ATRNL1: variants seen among roughly 807,000 people sequenced by gnomAD.
ATRNL1 encodes the protein attractin-like protein 1.
Under a neutral mutation model 182.7 loss-of-function variants are expected in ATRNL1, and 95 were observed. The ratio of observed to expected loss-of-function variants is 0.52; its 90% CI spans 0.44 to 0.62. The LOEUF (loss-of-function observed/expected upper bound fraction) is 0.62, where lower values mean the gene tolerates loss of function less well. Ranked by LOEUF, ATRNL1 falls within the 20% of genes least tolerant of loss-of-function variation. ATRNL1 has a pLI of 0.00. For synonymous variants in ATRNL1, 576 were observed against 568.3 expected (o/e 1.01, Z -0.19); for missense variants, 1,471 against 1,679.5 (o/e 0.88, Z 2.17).
chr10:115,867,733 T>TA (rs1951471428), intron 28 of ATRNL1, among the ~76,000 whole-genome samples: 1 of 144,082 alleles, frequency 6.9e-6, no homozygotes, highest in Admixed American at 6.9e-5. Flanking sequence ...CCTGTGAATT[T>TA]TTTTTTTTTT....
intron 19 of ATRNL1, among the ~76,000 whole-genome samples, chr10:115,383,930 G>T (rs1400347771): frequency 6.6e-6 from 1 of 151,818 alleles, no homozygotes; most frequent in Non-Finnish European, 1.5e-5. Flanking sequence ...TTAAGTAATT[G>T]CACTTGAGCT....
At chr10:115,327,409 T>G (rs1554933701) in intron 18 of ATRNL1, among the ~76,000 whole-genome samples, 1 of 152,204 alleles carries the variant, frequency 6.6e-6, no homozygotes, top group African/African-American at 2.4e-5. Context: ...CCAGTGAGAA[T>G]AGCAGTCATT....
chr10:115,226,914 T>C (rs1471112095), intron 9 of ATRNL1, among the ~76,000 whole-genome samples: 1 of 152,112 alleles, frequency 6.6e-6, no homozygotes, highest in African/African-American at 2.4e-5. Context: ...TTTCAACATA[T>C]ACAAAATCAA....
intron 27 of ATRNL1, among the ~76,000 whole-genome samples, chr10:115,796,466 A>G (rs1949656352): frequency 6.6e-6 from 1 of 152,112 alleles, no homozygotes; most frequent in Admixed American, 6.5e-5. Flanking sequence ...GCAATATTTT[A>G]ACTTAACACA....
At chr10:115,735,684 C>T (rs1017679485) in intron 27 of ATRNL1, among the ~76,000 whole-genome samples, 1 of 152,082 alleles carries the variant, frequency 6.6e-6, no homozygotes, top group African/African-American at 2.4e-5. Context: ...ATGTGATAAC[C>T]AAGACAGCTA....
chr10:115,866,375 A>G (rs1951440247), intron 28 of ATRNL1, among the ~76,000 whole-genome samples: 1 of 152,246 alleles, frequency 6.6e-6, no homozygotes, highest in Admixed American at 6.5e-5. Context: ...CACAGAAACC[A>G]AAACCAAAAC....
chr10:115,491,061 G>A lies in ATRNL1; in HGVS notation c.3654+21732G>A, dbSNP rs115269685. Among the ~76,000 whole-genome samples, 729 of 152,258 alleles carry A rather than the reference G, an allele frequency of 4.8e-3. 4 individuals are homozygous for A. The highest frequency in any genetic ancestry group is 0.016 in the African/African-American group (655 of 41,552). ...TTTTTGCCTGGTTATCACCAGCGGA[G>A]CCAGCAAAACAGCAAAGATTGCTGC... On this transcript the variant is annotated intron_variant, in intron 24 of 28. Coordinates refer to ENST00000355044, the MANE Select transcript of ATRNL1 (RefSeq NM_207303.4).
chr10:115,375,128 A>G (rs1459663058), intron 19 of ATRNL1, among the ~76,000 whole-genome samples: 3 of 151,610 alleles, frequency 2.0e-5, no homozygotes, highest in African/African-American at 4.8e-5. Context: ...TTTCAGATCT[A>G]TTAATATTTT....
At chr10:115,588,241 AGCTCTATGCCATG>A (rs1855687661) in intron 26 of ATRNL1, among the ~76,000 whole-genome samples, 2 of 152,102 alleles carry the variant, frequency 1.3e-5, no homozygotes, top group South Asian at 4.2e-4. Flanking sequence ...CTCTCACCTC[AGCTCTATGCCATG>A]GATGGTGATT....
chr10:115,290,271 T>G (rs1318608082), intron 15 of ATRNL1, among the ~76,000 whole-genome samples: 13 of 152,184 alleles, frequency 8.5e-5, no homozygotes, highest in Admixed American at 7.9e-4. Context: ...CTGGTAGAGT[T>G]GAAGTGGTGT....
At chr10:115,304,636 A>G (rs1554925617) in intron 17 of ATRNL1, among the ~76,000 whole-genome samples, 1 of 152,170 alleles carries the variant, frequency 6.6e-6, no homozygotes, top group African/African-American at 2.4e-5. Flanking sequence ...TCTGATTTGC[A>G]TAGAGCTTAG....
At chr10:115,414,094 G>A (rs998071908) in intron 20 of ATRNL1, among the ~76,000 whole-genome samples, 1 of 152,120 alleles carries the variant, frequency 6.6e-6, no homozygotes, top group Admixed American at 6.6e-5. Context: ...AATGAACACT[G>A]ACTTCCAATG....
intron 28 of ATRNL1, among the ~76,000 whole-genome samples, chr10:115,929,493 G>A (rs1430816728): frequency 3.3e-5 from 5 of 151,930 alleles, no homozygotes; most frequent in Admixed American, 2.0e-4. Flanking sequence ...AATGTTTTTG[G>A]CTTATCTACC....
chr10:115,803,574 GT>G (rs1949848238), intron 27 of ATRNL1, among the ~76,000 whole-genome samples: 1 of 149,068 alleles, frequency 6.7e-6, no homozygotes, highest in Non-Finnish European at 1.5e-5. Flanking sequence ...CATAATTTTT[GT>G]TTTAGAAGTT....
chr10:115,555,977 A>G (rs1267819446), intron 26 of ATRNL1, among the ~76,000 whole-genome samples: 1 of 152,042 alleles, frequency 6.6e-6, no homozygotes, highest in African/African-American at 2.4e-5. Context: ...GCAATGCTCA[A>G]AGCTTACAAC....
chr10:115,330,668 T>C (rs1409653039), intron 18 of ATRNL1, among the ~76,000 whole-genome samples: 4 of 146,082 alleles, frequency 2.7e-5, no homozygotes, highest in African/African-American at 9.8e-5. Flanking sequence ...TTATGTGTTA[T>C]TTGCTTTTTT....
At chr10:115,354,124 T>C (rs1448882244) in intron 19 of ATRNL1, among the ~76,000 whole-genome samples, 2 of 152,184 alleles carry the variant, frequency 1.3e-5, no homozygotes, top group African/African-American at 4.8e-5. Flanking sequence ...TAAACTTTCT[T>C]AAAACATTAT....
chr10:115,851,788 G>T (rs1376563989), intron 28 of ATRNL1, among the ~76,000 whole-genome samples: 1 of 152,024 alleles, frequency 6.6e-6, no homozygotes, highest in East Asian at 1.9e-4. Context: ...GGTTAAGGTG[G>T]GATTTATGCT....
intron 27 of ATRNL1, among the ~76,000 whole-genome samples, chr10:115,813,586 T>G (rs1194781815): frequency 6.6e-6 from 1 of 152,146 alleles, no homozygotes; most frequent in Non-Finnish European, 1.5e-5. Flanking sequence ...TGAAACAACA[T>G]TCTTTTGGCA....
Sources: allele counts gnomAD v4.1 joint callset (sites outside exome capture counted in the v4.1 genomes callset), GRCh38; gene constraint gnomAD v4.1.1; transcripts MANE v1.5; gene names NCBI Gene and HGNC (gene_info 2026-07-23, HGNC 2026-07-21).